TRDN: variants seen among roughly 807,000 people sequenced by gnomAD.
The protein encoded by TRDN is triadin, also known as triadin in skeletal muscle.
Under a neutral mutation model 149.7 loss-of-function variants are expected in TRDN, and 161 were observed. The observed-to-expected ratio is 1.08, with a 90% CI of 0.95 to 1.23. The LOEUF (loss-of-function observed/expected upper bound fraction) is 1.23, where lower values mean the gene tolerates loss of function less well. Among genes scored for constraint, TRDN ranks in the 50% most tolerant of loss-of-function variants. The pLI, the probability that TRDN is intolerant of heterozygous loss-of-function variation, is 0.00. For synonymous variants in TRDN, 294 were observed against 250.5 expected (o/e 1.17, Z -1.64); for missense variants, 896 against 823.5 (o/e 1.09, Z -1.08).
intron 38 of TRDN, among the ~76,000 whole-genome samples, chr6:123,236,957 A>G (rs184431176): frequency 6.6e-6 from 1 of 151,182 alleles, no homozygotes; most frequent in East Asian, 1.9e-4. Flanking sequence ...TGAGATTTTG[A>G]TTGTAATTGC....
chr6:123,479,061 G>T (rs939256156), intron 9 of TRDN, among the ~76,000 whole-genome samples: 3 of 152,122 alleles, frequency 2.0e-5, no homozygotes, highest in Non-Finnish European at 4.4e-5. Flanking sequence ...TTAAATGAGT[G>T]AGTAAACAAA....
At position 123,433,162 on chromosome 6, in the gene TRDN, A is replaced by ATATAATATAT. The variant is rs796874348; in HGVS notation, c.1051+4900_1051+4901insATATATTATA. Among the ~76,000 whole-genome samples, 10 of 80,038 alleles carry ATATAATATAT rather than the reference A, an allele frequency of 1.2e-4. 1 individual carries two copies. In the East Asian group the frequency reaches 2.4e-3, roughly 19 times the overall value. The allele number at this position is 80,038 out of a possible 152,430, so 52.5% of individuals were successfully genotyped here. A position where few individuals can be genotyped will look rare whatever the true frequency, so the allele number is the denominator to read the frequency against. ...ATCATAAATATATATATATATATATAATATATATATATATATATATACATC... is the reference window on the plus strand; with the variant it reads ...ATCATAAATATATATATATATATATATATAATATATATATATATATATATATATATACATC... On this transcript the variant is annotated intron_variant, in intron 12 of 40. Coordinates refer to ENST00000334268, the MANE Select transcript of TRDN (RefSeq NM_006073.4).
chr6:123,295,849 CAGCTACTCAGG>C (rs1778173237), intron 24 of TRDN, among the ~76,000 whole-genome samples: 2 of 151,842 alleles, frequency 1.3e-5, no homozygotes, highest in Admixed American at 1.3e-4. Context: ...CCTATAATCC[CAGCTACTCAGG>C]AGACTGAAAC....
chr6:123,309,528 G>A (rs1358602761), intron 24 of TRDN, among the ~76,000 whole-genome samples: 2 of 151,966 alleles, frequency 1.3e-5, no homozygotes, highest in African/African-American at 2.4e-5. Flanking sequence ...TGAACAAGGG[G>A]CAAAGGGAGT....
intron 2 of TRDN, among the ~76,000 whole-genome samples, chr6:123,557,473 T>C (rs569868349): frequency 6.6e-6 from 1 of 152,236 alleles, no homozygotes; most frequent in East Asian, 1.9e-4. Flanking sequence ...CTCTTTCTCC[T>C]TTCAATCTTG....
chr6:123,515,308 C>T (rs1333069185), intron 6 of TRDN, among the ~76,000 whole-genome samples: 2 of 151,482 alleles, frequency 1.3e-5, no homozygotes, highest in Non-Finnish European at 2.9e-5. Context: ...AGATAGATAT[C>T]ATAAGAAAGA....
chr6:123,229,358 G>C (rs1323082693), intron 38 of TRDN, among the ~76,000 whole-genome samples: 1 of 151,920 alleles, frequency 6.6e-6, no homozygotes, highest in Non-Finnish European at 1.5e-5. Flanking sequence ...ATTTTGTTTG[G>C]TCAAGTAGTC....
intron 4 of TRDN, among the ~76,000 whole-genome samples, chr6:123,539,466 C>T (rs143403311): frequency 4.9e-4 from 75 of 152,234 alleles, no homozygotes; most frequent in African/African-American, 1.7e-3. Context: ...TAGAAAAGAC[C>T]TGGACATCAG....
intron 7 of TRDN, among the ~76,000 whole-genome samples, chr6:123,510,705 G>T (rs1049276078): frequency 2.7e-5 from 4 of 149,580 alleles, no homozygotes; most frequent in African/African-American, 9.9e-5. Context: ...GTGCAGTGGC[G>T]CAATCTCAGC....
At chr6:123,403,180 A>C (rs900299849) in intron 12 of TRDN, among the ~76,000 whole-genome samples, 2 of 152,232 alleles carry the variant, frequency 1.3e-5, no homozygotes, top group African/African-American at 4.8e-5. Flanking sequence ...TGTTGATTTC[A>C]ACAAGGCCAG....
chr6:123,269,457 G>A (rs185278637), intron 31 of TRDN, among the ~76,000 whole-genome samples: 18 of 152,020 alleles, frequency 1.2e-4, no homozygotes, highest in Admixed American at 5.3e-4. Flanking sequence ...TATTCATTAC[G>A]TATGTTTAAA....
intron 1 of TRDN, among the ~76,000 whole-genome samples, chr6:123,629,900 GT>G (rs1429841157): frequency 6.6e-6 from 1 of 152,046 alleles, no homozygotes; most frequent in East Asian, 1.9e-4. Context: ...ATTACTATCT[GT>G]TTGGACCAGG....
intron 9 of TRDN, among the ~76,000 whole-genome samples, chr6:123,485,988 C>T (rs956136480): frequency 2.2e-4 from 33 of 151,888 alleles, no homozygotes; most frequent in African/African-American, 7.5e-4. Flanking sequence ...ACTGAGGAAC[C>T]CAAGGACCTG....
chr6:123,386,296 C>A (rs761196410), intron 14 of TRDN, among the ~76,000 whole-genome samples: 1 of 152,056 alleles, frequency 6.6e-6, no homozygotes, highest in Non-Finnish European at 1.5e-5. Flanking sequence ...TTCTCAGAGA[C>A]AGGAAAATGT....
chr6:123,517,128 C>T (rs978913254), intron 5 of TRDN, among the ~76,000 whole-genome samples: 8 of 151,908 alleles, frequency 5.3e-5, no homozygotes, highest in African/African-American at 1.9e-4. Context: ...TGCAGGGAGT[C>T]GAACTGCTAT....
intron 12 of TRDN, among the ~76,000 whole-genome samples, chr6:123,410,610 G>A (rs768255012): frequency 6.6e-6 from 1 of 152,046 alleles, no homozygotes; most frequent in Non-Finnish European, 1.5e-5. Flanking sequence ...TAAACATAGG[G>A]TCAGTGAAAA....
chr6:123,245,403 A>G (rs1031650578), intron 38 of TRDN, among the ~76,000 whole-genome samples: 1 of 152,146 alleles, frequency 6.6e-6, no homozygotes, highest in Non-Finnish European at 1.5e-5. Flanking sequence ...AGGAAGATTT[A>G]CCAAGCAAAT....
At chr6:123,615,949 T>G (rs1785060088) in intron 1 of TRDN, among the ~76,000 whole-genome samples, 1 of 152,200 alleles carries the variant, frequency 6.6e-6, no homozygotes, top group African/African-American at 2.4e-5. Context: ...GTGATGAACA[T>G]GCTAATTACC....
intron 2 of TRDN, 100 bp downstream of exon 2, chr6:123,570,823 A>C: frequency 9.5e-7 from 1 of 1,058,150 alleles, no homozygotes; most frequent in African/African-American, 1.6e-5. Flanking sequence ...TTTCTTCCTC[A>C]CACTAAGATG....
Sources: gnomAD v4.1 joint callset for allele counts (sites outside exome capture counted in the v4.1 genomes callset) on GRCh38, gnomAD v4.1.1 for gene constraint, MANE v1.5 for transcripts, NCBI Gene and HGNC (gene_info 2026-07-23, HGNC 2026-07-21) for gene names.